The following MYT1L variants were observed in gnomAD, a reference collection of about 807,000 sequenced individuals.
The protein encoded by MYT1L is myelin transcription factor 1 like.
A neutral mutation model predicts 126.7 loss-of-function variants in MYT1L; 12 were observed. That is an observed-to-expected ratio of 0.09 (90% CI 0.06 to 0.15). The LOEUF (loss-of-function observed/expected upper bound fraction) is 0.15, where lower values mean the gene tolerates loss of function less well. Ranked by LOEUF, MYT1L falls within the 10% of genes least tolerant of loss-of-function variation. MYT1L has a pLI of 1.00. For missense variants in MYT1L, 979 were observed against 1,585.2 expected (o/e 0.62, Z 6.49); for synonymous variants, 541 against 604.2 (o/e 0.90, Z 1.53).
intron 3 of MYT1L, among the ~76,000 whole-genome samples, chr2:2,069,098 G>A (rs551574312): frequency 6.6e-6 from 1 of 151,960 alleles, no homozygotes; most frequent in Admixed American, 6.6e-5. Context: ...TATACTTTAA[G>A]TTCTGGGGTA....
At chr2:1,893,957 C>T (rs905976249) in intron 14 of MYT1L, among the ~76,000 whole-genome samples, 5 of 152,184 alleles carry the variant, frequency 3.3e-5, no homozygotes, top group African/African-American at 9.6e-5. Context: ...GTTGGCCAGG[C>T]TGTCTTCGTC....
At chr2:2,104,121 T>C (rs2078448941) in intron 3 of MYT1L, among the ~76,000 whole-genome samples, 1 of 152,238 alleles carries the variant, frequency 6.6e-6, no homozygotes, top group African/African-American at 2.4e-5. Context: ...ATGAGAACAA[T>C]TTGTGCCATT....
At chr2:1,998,920 A>G (rs2062111810) in intron 4 of MYT1L, among the ~76,000 whole-genome samples, 2 of 152,180 alleles carry the variant, frequency 1.3e-5, no homozygotes, top group Admixed American at 6.5e-5. Flanking sequence ...AAAGAGAAAG[A>G]AAATGTTCGC....
chr2:1,987,816 C>T (rs74595869), intron 5 of MYT1L, among the ~76,000 whole-genome samples: 6,701 of 152,224 alleles, frequency 0.044, 200 homozygotes, highest in Non-Finnish European at 0.065. Context: ...GAGTGACATT[C>T]CCATGCTGGG....
intron 2 of MYT1L, among the ~76,000 whole-genome samples, chr2:2,229,644 G>C (rs540320482): frequency 3.3e-4 from 50 of 152,022 alleles, no homozygotes; most frequent in Admixed American, 3.0e-3. Flanking sequence ...TGTTGGCCAG[G>C]CTGGTCTTGA....
chr2:1,821,346 A>T (rs1415368035), intron 21 of MYT1L, among the ~76,000 whole-genome samples: 1 of 151,068 alleles, frequency 6.6e-6, no homozygotes, highest in African/African-American at 2.4e-5. Context: ...TTCTTTTCTC[A>T]TCTCTTTATA....
intron 9 of MYT1L, among the ~76,000 whole-genome samples, chr2:1,935,988 G>A (rs138019063): frequency 3.3e-5 from 5 of 152,204 alleles, no homozygotes; most frequent in East Asian, 1.9e-4. Flanking sequence ...CTGTGATCTC[G>A]GCTCACAGCA....
chr2:1,847,483 C>G (rs34675153), intron 19 of MYT1L, among the ~76,000 whole-genome samples: 73,478 of 151,844 alleles, frequency 0.48, 19,966 homozygotes, highest in African/African-American at 0.74. Flanking sequence ...GGGACGGCTG[C>G]GCAGAGAGAA....
chr2:2,069,380 T>G (rs1287548643), intron 3 of MYT1L, among the ~76,000 whole-genome samples: 1 of 152,194 alleles, frequency 6.6e-6, no homozygotes, highest in Non-Finnish European at 1.5e-5. Flanking sequence ...ACTTCATCCA[T>G]GTCCCTTCAA....
chr2:2,106,423 GC>G (rs2078770852), intron 3 of MYT1L, among the ~76,000 whole-genome samples: 1 of 152,060 alleles, frequency 6.6e-6, no homozygotes, highest in African/African-American at 2.4e-5. Flanking sequence ...TTCAAGATCA[GC>G]CTGGCCAACA....
intron 3 of MYT1L, among the ~76,000 whole-genome samples, chr2:2,089,351 G>A (rs1426058318): frequency 2.6e-5 from 4 of 152,178 alleles, no homozygotes; most frequent in Middle Eastern, 3.2e-3. Context: ...CTATTGTACC[G>A]AAAACTGCTG....
At chr2:1,983,074 A>C (rs34074518) in intron 5 of MYT1L, among the ~76,000 whole-genome samples, 4,077 of 152,160 alleles carry the variant, frequency 0.027, 74 homozygotes, top group Non-Finnish European at 0.042. Flanking sequence ...TTCTTCCAGT[A>C]ATCAGTTATT....
chr2:2,302,568 T>G (rs1029514627), intron 1 of MYT1L, among the ~76,000 whole-genome samples: 1 of 152,224 alleles, frequency 6.6e-6, no homozygotes, highest in Admixed American at 6.5e-5. Context: ...TGCTGATATA[T>G]GCACATTCCT....
In MYT1L at chr2:2,141,170, C is replaced by A. The variant is rs185636667; in HGVS notation, c.-304+31702G>T. ...CTGTTTGTTTTTATTAAATTGATAT[C>A]TTTTTATTCATTCCTTCTGTATAAT... On this transcript the variant is annotated intron_variant, in intron 3 of 24. Coordinates refer to ENST00000647738, the MANE Select transcript of MYT1L (RefSeq NM_001303052.2). Among the ~76,000 whole-genome samples the A allele has an allele frequency of 2.6e-4, 40 of 152,242 alleles. No individual in the cohort carries two copies. The East Asian group carries it at 6.4e-3, about 24-fold the overall frequency.
intron 2 of MYT1L, among the ~76,000 whole-genome samples, chr2:2,190,940 C>G (rs1011542787): frequency 5.3e-5 from 8 of 152,182 alleles, no homozygotes; most frequent in Non-Finnish European, 7.3e-5. Context: ...CATGCACCAC[C>G]ACACCCAGGT....
At position 1,806,907 on chromosome 2, in the gene MYT1L, T is replaced by G. The variant is rs551341549; in HGVS notation, c.3172+2169A>C. Among the ~76,000 whole-genome samples the G allele has an allele frequency of 1.2e-4, 18 of 152,346 alleles. No homozygotes were observed. Among genetic ancestry groups the G allele is most frequent in the Admixed American group, 5.2e-4 (8 of 15,302 alleles). On this transcript the variant is annotated intron_variant, in intron 22 of 24. Coordinates refer to ENST00000647738, the MANE Select transcript of MYT1L (RefSeq NM_001303052.2). This position sits in a 1 kb window ranked among gnomAD's most constrained non-coding sequence, Gnocchi z 4.9. ...TCGGGGGTGAAATGCCCTCTAAGTA[T>G]TTTGAAAAGCGCCCGGCATGCAGAT...
At chr2:2,093,411 A>C (rs915427278) in intron 3 of MYT1L, among the ~76,000 whole-genome samples, 3 of 152,174 alleles carry the variant, frequency 2.0e-5, no homozygotes, top group Admixed American at 2.0e-4. Context: ...GTACAAAAAA[A>C]AAAAAAGATT....
intron 19 of MYT1L, among the ~76,000 whole-genome samples, chr2:1,843,847 T>G (rs2042157479): frequency 6.6e-6 from 1 of 152,194 alleles, no homozygotes; most frequent in Non-Finnish European, 1.5e-5. Context: ...CATGGAGGCC[T>G]GGGCTGGGGG....
chr2:2,257,319 T>G (rs1268659773), intron 2 of MYT1L, among the ~76,000 whole-genome samples: 1 of 152,180 alleles, frequency 6.6e-6, no homozygotes, highest in African/African-American at 2.4e-5. Flanking sequence ...TGACTGACGG[T>G]TTTCTCTATC....
Sources: allele counts gnomAD v4.1 joint callset (sites outside exome capture counted in the v4.1 genomes callset), GRCh38; gene constraint gnomAD v4.1.1; non-coding constraint Gnocchi (gnomAD v3.1); transcripts MANE v1.5; gene names NCBI Gene and HGNC (gene_info 2026-07-23, HGNC 2026-07-21).